CLSTN2: variants seen among roughly 807,000 people sequenced by gnomAD.
CLSTN2 encodes the protein calsyntenin 2.
A neutral mutation model predicts 101.2 loss-of-function variants in CLSTN2; 48 were observed. The ratio of observed to expected loss-of-function variants is 0.47; its 90% CI spans 0.38 to 0.60. The LOEUF (loss-of-function observed/expected upper bound fraction) is 0.60. CLSTN2 is among the 20% of genes least tolerant of loss of function. The pLI is 0.00. For synonymous variants in CLSTN2, 481 were observed against 463.6 expected (o/e 1.04, Z -0.48); for missense variants, 1,160 against 1,238.2 (o/e 0.94, Z 0.95).
At chr3:139,969,573 G>A (rs6806737) in intron 1 of CLSTN2, among the ~76,000 whole-genome samples, 20,504 of 152,082 alleles carry the variant, frequency 0.13, 1,497 homozygotes, top group African/African-American at 0.17. Context: ...TGCCATCACT[G>A]CACCCACCTG....
At chr3:140,077,886 T>A (rs2008519620) in intron 1 of CLSTN2, among the ~76,000 whole-genome samples, 1 of 149,134 alleles carries the variant, frequency 6.7e-6, no homozygotes, top group Non-Finnish European at 1.5e-5. Context: ...TTATATGAAC[T>A]CTCCTGGAAT....
At chr3:140,102,812 G>A (rs376607527) in intron 1 of CLSTN2, among the ~76,000 whole-genome samples, 1 of 152,146 alleles carries the variant, frequency 6.6e-6, no homozygotes, top group South Asian at 2.1e-4. Context: ...AGTTGAAAGA[G>A]CACTGAAGTC....
intron 2 of CLSTN2, among the ~76,000 whole-genome samples, chr3:140,388,122 A>G (rs1244040767): frequency 2.0e-5 from 3 of 152,392 alleles, no homozygotes; most frequent in Admixed American, 6.5e-5. Context: ...AGATACAACC[A>G]TAAGAAACCC....
chr3:140,093,459 T>G (rs2008815468), intron 1 of CLSTN2, among the ~76,000 whole-genome samples: 2 of 152,018 alleles, frequency 1.3e-5, no homozygotes, highest in African/African-American at 2.4e-5. Context: ...TTCCTTCCCC[T>G]CCCCTTCCCA....
intron 8 of CLSTN2, among the ~76,000 whole-genome samples, chr3:140,496,365 C>T (rs1185982501): frequency 6.6e-6 from 1 of 152,118 alleles, no homozygotes; most frequent in Non-Finnish European, 1.5e-5. Context: ...AGCTTTTGGG[C>T]TAAGGTGATG....
At chr3:140,264,488 A>G (rs967087382) in intron 2 of CLSTN2, among the ~76,000 whole-genome samples, 5 of 145,896 alleles carry the variant, frequency 3.4e-5, no homozygotes, top group Non-Finnish European at 7.6e-5. Context: ...AACAAGGTAT[A>G]TAATGATCGG....
rs535609765 is a variant in CLSTN2, at chr3:140,567,898, T to C, written c.*1645T>C. 2.6e-5 allele frequency: 4 copies of C among 152,382 alleles called. 1 individual carries two copies. Among genetic ancestry groups the C allele is most frequent in the African/African-American group, 7.2e-5 (3 of 41,588 alleles). The allele number at this position is 152,382 out of a possible 1,614,324, so 9.4% of individuals were successfully genotyped here. A position where few individuals can be genotyped will look rare whatever the true frequency, so the allele number is the denominator to read the frequency against. The stretch of plus-strand genomic sequence containing the variant: ...CTGACCTCCACCCAGGGAGGACCCA[T>C]GGCAGGTCTTTTCAACTTTCTGATT... On this transcript the variant is annotated 3_prime_UTR_variant, in exon 17 of 17. Coordinates refer to ENST00000458420, the MANE Select transcript of CLSTN2 (RefSeq NM_022131.3).
At chr3:140,328,284 T>C (rs2087350006) in intron 2 of CLSTN2, among the ~76,000 whole-genome samples, 2 of 152,184 alleles carry the variant, frequency 1.3e-5, no homozygotes, top group African/African-American at 4.8e-5. Flanking sequence ...CACACCACGA[T>C]AATCAGCAGA....
intron 2 of CLSTN2, among the ~76,000 whole-genome samples, chr3:140,297,822 T>A (rs2087018685): frequency 6.6e-6 from 1 of 152,196 alleles, no homozygotes; most frequent in Admixed American, 6.5e-5. Context: ...GGCTTCCAAC[T>A]TCCATCATGA....
intron 2 of CLSTN2, among the ~76,000 whole-genome samples, chr3:140,381,433 G>A (rs1298899882): frequency 1.3e-5 from 2 of 152,164 alleles, no homozygotes; most frequent in Non-Finnish European, 2.9e-5. Flanking sequence ...CAACTCTGTA[G>A]CATTGGAAAC....
intron 1 of CLSTN2, among the ~76,000 whole-genome samples, chr3:140,071,014 T>C (rs539922256): frequency 1.3e-5 from 2 of 152,244 alleles, no homozygotes; most frequent in Admixed American, 6.5e-5. Flanking sequence ...AAAAGAAGAT[T>C]GGCACGGCAA....
intron 1 of CLSTN2, among the ~76,000 whole-genome samples, chr3:140,089,357 A>T (rs1269518947): frequency 6.6e-6 from 1 of 152,040 alleles, no homozygotes. Flanking sequence ...GTGGCTTCTG[A>T]GTGCCCTGGT....
At chr3:140,536,311 A>ATGAT (rs1935358558) in intron 9 of CLSTN2, among the ~76,000 whole-genome samples, 2 of 151,954 alleles carry the variant, frequency 1.3e-5, no homozygotes, top group African/African-American at 2.4e-5. Flanking sequence ...TTTTGCTTGA[A>ATGAT]TGATTGTGTA....
At chr3:140,032,106 C>A (rs566864119) in intron 1 of CLSTN2, among the ~76,000 whole-genome samples, 5 of 152,240 alleles carry the variant, frequency 3.3e-5, no homozygotes, top group African/African-American at 1.2e-4. Context: ...GAAAGCGCTG[C>A]CCATGAACAT....
chr3:140,013,955 C>T (rs2007142937), intron 1 of CLSTN2, among the ~76,000 whole-genome samples: 1 of 152,200 alleles, frequency 6.6e-6, no homozygotes, highest in African/African-American at 2.4e-5. Flanking sequence ...GACATTACAC[C>T]AACTATGTAA....
rs1985663258 is a variant in CLSTN2 at position 140,574,325 on chromosome 3, G to A, written c.*8072G>A. 1 of 152,194 alleles carries A rather than the reference G, an allele frequency of 6.6e-6. No individual in the cohort carries two copies. The allele number at this position is 152,194 out of a possible 1,614,324, so 9.4% of individuals were successfully genotyped here. ...AGAAAACAGGAGTGGGGTTGTTTGG[G>A]GACTACCCCTTCCTAGCTATAGTCA... On this transcript the variant is annotated 3_prime_UTR_variant, in exon 17 of 17. Transcript: ENST00000458420.
chr3:140,306,116 T>G (rs898282227), intron 2 of CLSTN2, among the ~76,000 whole-genome samples: 1 of 152,196 alleles, frequency 6.6e-6, no homozygotes, highest in African/African-American at 2.4e-5. Flanking sequence ...TATACATCCT[T>G]CAAGGTCCAG....
chr3:140,140,997 C>T (rs1428505805), intron 1 of CLSTN2, among the ~76,000 whole-genome samples: 10 of 152,200 alleles, frequency 6.6e-5, no homozygotes, highest in African/African-American at 2.2e-4. Context: ...AGGGACTGAT[C>T]AAGGGCCCAA....
At chr3:140,496,119 T>C (rs1934459907) in intron 8 of CLSTN2, among the ~76,000 whole-genome samples, 1 of 152,382 alleles carries the variant, frequency 6.6e-6, no homozygotes, top group Middle Eastern at 3.4e-3. Flanking sequence ...CTCCATTTGC[T>C]TGTGTCCTCT....
Sources: allele counts gnomAD v4.1 joint callset (sites outside exome capture counted in the v4.1 genomes callset), GRCh38; gene constraint gnomAD v4.1.1; transcripts MANE v1.5; gene names NCBI Gene and HGNC (gene_info 2026-07-23, HGNC 2026-07-21).